The following DPYD variants were observed in gnomAD, a reference collection of about 807,000 sequenced individuals.
DPYD encodes the protein dihydropyrimidine dehydrogenase, also known as dihydropyrimidine dehydrogenase [NADP(+)].
DPYD carries 109 observed loss-of-function variants against 116.2 expected under a neutral mutation model. That is an observed-to-expected ratio of 0.94 (90% confidence interval 0.80 to 1.10). The LOEUF (loss-of-function observed/expected upper bound fraction) is 1.10. DPYD is among the 50% of genes least tolerant of loss of function. DPYD has a pLI of 0.00. For missense variants in DPYD, 1,302 were observed against 1,254.5 expected (o/e 1.04, Z -0.57); for synonymous variants, 440 against 432.0 (o/e 1.02, Z -0.23).
intron 19 of DPYD, among the ~76,000 whole-genome samples, chr1:97,213,526 T>C (rs184220026): frequency 1.5e-4 from 23 of 152,172 alleles, no homozygotes; most frequent in African/African-American, 4.6e-4. Context: ...TGCTAGGTAC[T>C]GTGAAAATCA....
At chr1:97,181,135 T>C (rs1657617686) in intron 20 of DPYD, among the ~76,000 whole-genome samples, 1 of 152,184 alleles carries the variant, frequency 6.6e-6, no homozygotes, top group South Asian at 2.1e-4. Context: ...ACACCTCTGC[T>C]GGGCTAGGCT....
chr1:97,085,009 C>T (rs952194335), intron 21 of DPYD, among the ~76,000 whole-genome samples: 4 of 152,040 alleles, frequency 2.6e-5, no homozygotes, highest in African/African-American at 9.7e-5. Context: ...TTTTACTGAA[C>T]ATTTTTATTG....
chr1:97,699,568 A>G (rs779888444), intron 5 of DPYD, 21 bp from the exon 6 acceptor site: 2 of 1,612,030 alleles, frequency 1.2e-6, no homozygotes, highest in Middle Eastern at 1.7e-4. Context: ...ATCAATTGTC[A>G]TGGTTAAAAT....
chr1:97,310,806 C>T (rs1490665464), intron 16 of DPYD, among the ~76,000 whole-genome samples: 1 of 151,492 alleles, frequency 6.6e-6, no homozygotes, highest in Admixed American at 6.6e-5. Flanking sequence ...CATGAATACT[C>T]ACAGAAACTT....
chr1:97,780,720 G>A (rs562513831), intron 3 of DPYD, among the ~76,000 whole-genome samples: 1 of 152,274 alleles, frequency 6.6e-6, no homozygotes, highest in Admixed American at 6.5e-5. Context: ...AAAGAAGCCA[G>A]ATGGAAACAT....
At chr1:97,645,823 G>A (rs1658227682) in intron 8 of DPYD, among the ~76,000 whole-genome samples, 1 of 152,084 alleles carries the variant, frequency 6.6e-6, no homozygotes, top group Admixed American at 6.6e-5. Context: ...ACCAAGAACA[G>A]TCTCCAAAAA....
intron 8 of DPYD, among the ~76,000 whole-genome samples, chr1:97,666,780 T>G (rs1363790264): frequency 6.6e-6 from 1 of 152,204 alleles, no homozygotes; most frequent in Non-Finnish European, 1.5e-5. Context: ...TAATCAGGGA[T>G]AGCTATCTCT....
chr1:97,686,898 C>T (rs1660766253), intron 7 of DPYD, among the ~76,000 whole-genome samples: 1 of 151,892 alleles, frequency 6.6e-6, no homozygotes, highest in Non-Finnish European at 1.5e-5. Flanking sequence ...GGAATCTATC[C>T]ATCTGACAAA....
intron 20 of DPYD, among the ~76,000 whole-genome samples, chr1:97,099,696 G>A (rs1454761507): frequency 8.5e-5 from 13 of 152,126 alleles, no homozygotes; most frequent in African/African-American, 2.6e-4. Flanking sequence ...TACAGCACTC[G>A]AAGGTCATCC....
At chr1:97,118,061 A>T (rs1652119578) in intron 20 of DPYD, among the ~76,000 whole-genome samples, 1 of 152,174 alleles carries the variant, frequency 6.6e-6, no homozygotes, top group African/African-American at 2.4e-5. Flanking sequence ...TTCTTATAGA[A>T]TACATTTTTG....
intron 5 of DPYD, among the ~76,000 whole-genome samples, chr1:97,707,011 T>C (rs1662001708): frequency 6.6e-6 from 1 of 152,102 alleles, no homozygotes; most frequent in South Asian, 2.1e-4. Flanking sequence ...TTTGGTGATA[T>C]CAGTGTTCTG....
chr1:97,332,769 C>G (rs937023112), intron 16 of DPYD, among the ~76,000 whole-genome samples: 1 of 152,056 alleles, frequency 6.6e-6, no homozygotes, highest in Non-Finnish European at 1.5e-5. Context: ...TTGAAAAACA[C>G]AAAAGAGGCT....
At chr1:97,844,229 T>C (rs1037925572) in intron 2 of DPYD, among the ~76,000 whole-genome samples, 1 of 152,174 alleles carries the variant, frequency 6.6e-6, no homozygotes, top group Admixed American at 6.5e-5. Flanking sequence ...AAAAAATACA[T>C]ATTTTGGTTT....
At chr1:97,240,902 T>A (rs1662293838) in intron 18 of DPYD, among the ~76,000 whole-genome samples, 1 of 152,038 alleles carries the variant, frequency 6.6e-6, no homozygotes, top group South Asian at 2.1e-4. Flanking sequence ...TCTTTACACA[T>A]GGATTAGGGT....
At chr1:97,263,914 C>T (rs1197027825) in intron 18 of DPYD, among the ~76,000 whole-genome samples, 1 of 152,114 alleles carries the variant, frequency 6.6e-6, no homozygotes, top group Non-Finnish European at 1.5e-5. Flanking sequence ...TGAAAAATTA[C>T]CCCCTTCATT....
chr1:97,896,930 C>A (rs1461922686), intron 1 of DPYD, among the ~76,000 whole-genome samples: 3 of 151,878 alleles, frequency 2.0e-5, no homozygotes, highest in Non-Finnish European at 2.9e-5. Context: ...ATGACCAATT[C>A]TCTTAATGAG....
chr1:97,173,022 G>T (rs555421511), intron 20 of DPYD, among the ~76,000 whole-genome samples: 8 of 152,182 alleles, frequency 5.3e-5, no homozygotes, highest in African/African-American at 1.9e-4. Context: ...ATGTTGAGGA[G>T]TGGTAATTGA....
In DPYD at chr1:97,509,608, T is replaced by C. The variant is rs1301691615; in HGVS notation, c.1740+6118A>G. On this transcript the variant is annotated intron_variant, in intron 13 of 22. Coordinates refer to ENST00000370192, the MANE Select transcript of DPYD (RefSeq NM_000110.4). ...AGAGCTAAATAAGGCTATATTTAAA[T>C]TTGCCATGCAAAACAGACAGAATCC... 3.3e-5 allele frequency among the ~76,000 whole-genome samples: 5 copies of C among 152,010 alleles called. 1 individual carries two copies. Among genetic ancestry groups the C allele is most frequent in the Admixed American group, 3.3e-4 (5 of 15,234 alleles).
chr1:97,376,613 C>G (rs1360520288), intron 15 of DPYD, among the ~76,000 whole-genome samples: 1 of 152,076 alleles, frequency 6.6e-6, no homozygotes, highest in Non-Finnish European at 1.5e-5. Context: ...TTCCAAGCAA[C>G]TCTAACCATT....
Sources: gnomAD v4.1 joint callset for allele counts (sites outside exome capture counted in the v4.1 genomes callset) on GRCh38, gnomAD v4.1.1 for gene constraint, MANE v1.5 for transcripts, NCBI Gene and HGNC (gene_info 2026-07-23, HGNC 2026-07-21) for gene names.